METTL15: variants seen among roughly 807,000 people sequenced by gnomAD.
METTL15 encodes methyltransferase 15, mitochondrial 12S rRNA N4-cytidine.
METTL15 carries 34 observed loss-of-function variants against 38.3 expected under a neutral mutation model. The observed-to-expected ratio is 0.89, with a 90% CI of 0.68 to 1.18. The LOEUF (loss-of-function observed/expected upper bound fraction) is 1.18. Among genes scored for constraint, METTL15 ranks in the 50% most tolerant of loss-of-function variants. The pLI, the probability that METTL15 is intolerant of heterozygous loss-of-function variation, is 0.00. For synonymous variants in METTL15, 162 were observed against 170.9 expected (o/e 0.95, Z 0.41); for missense variants, 438 against 498.4 (o/e 0.88, Z 1.15).
chr11:28,233,961 T>G (rs1350234731), intron 4 of METTL15, among the ~76,000 whole-genome samples: 1 of 80,600 alleles, frequency 1.2e-5, no homozygotes. Flanking sequence ...CCCCTCCCCC[T>G]ACCCCACAAC....
At chr11:28,273,224 T>C (rs10835303) in intron 4 of METTL15, among the ~76,000 whole-genome samples, 151,792 of 152,222 alleles carry the variant, frequency 1, 75,682 homozygotes, top group Non-Finnish European at 1. Context: ...TGCAGCAGAC[T>C]GATTTTCTTA....
At chr11:28,159,623 A>G (rs1234272659) in intron 3 of METTL15, among the ~76,000 whole-genome samples, 1 of 152,154 alleles carries the variant, frequency 6.6e-6, no homozygotes, top group African/African-American at 2.4e-5. Flanking sequence ...ATGTTTGTGC[A>G]TGTATACACT....
At chr11:28,447,517 C>CT (rs562485215) in intron 6 of METTL15, among the ~76,000 whole-genome samples, 19 of 151,220 alleles carry the variant, frequency 1.3e-4, no homozygotes, top group East Asian at 9.7e-4. Context: ...CCTTGATCTC[C>CT]TTTTTTTTTC....
At chr11:28,431,167 C>T (rs1850923877) in intron 6 of METTL15, among the ~76,000 whole-genome samples, 2 of 93,122 alleles carry the variant, frequency 2.1e-5, no homozygotes, top group African/African-American at 6.4e-5. Flanking sequence ...GGGGGGTCAG[C>T]CCCCTGCCCG....
intron 4 of METTL15, among the ~76,000 whole-genome samples, chr11:28,222,405 C>G (rs1037084871): frequency 8.5e-5 from 13 of 152,208 alleles, no homozygotes; most frequent in Non-Finnish European, 1.6e-4. Flanking sequence ...GTCAGAAAAG[C>G]GCAGTATTAG....
At chr11:28,255,765 A>G (rs1385337002) in intron 4 of METTL15, among the ~76,000 whole-genome samples, 1 of 152,134 alleles carries the variant, frequency 6.6e-6, no homozygotes, top group African/African-American at 2.4e-5. Flanking sequence ...GTGTAATGGC[A>G]CGACCTTGGC....
intron 5 of METTL15, among the ~76,000 whole-genome samples, chr11:28,366,334 G>T (rs571251804): frequency 2.0e-5 from 3 of 152,234 alleles, no homozygotes; most frequent in African/African-American, 4.8e-5. Flanking sequence ...AGAATATGGT[G>T]AGGCATTATA....
intron 3 of METTL15, among the ~76,000 whole-genome samples, chr11:28,350,739 A>G (rs1271608157): frequency 2.0e-5 from 3 of 152,236 alleles, no homozygotes; most frequent in African/African-American, 4.8e-5. Context: ...CTATCAATCA[A>G]TAGGTATTCA....
chr11:28,287,197 T>TGTGTGTGTGTG (rs1555024719), intron 4 of METTL15: 3 of 208,722 alleles, frequency 1.4e-5, no homozygotes, highest in South Asian at 5.6e-5. Flanking sequence ...TGTGTGTGTG[T>TGTGTGTGTGTG]TCATGAGGCA....
At chr11:28,359,477 T>C (rs1177267449) in intron 4 of METTL15, among the ~76,000 whole-genome samples, 1 of 152,226 alleles carries the variant, frequency 6.6e-6, no homozygotes. Flanking sequence ...GTTGTAATTT[T>C]AATTTTTTGA....
chr11:28,420,923 G>GT (rs568222355), intron 5 of METTL15, among the ~76,000 whole-genome samples: 21 of 151,646 alleles, frequency 1.4e-4, no homozygotes, highest in East Asian at 7.7e-4. Flanking sequence ...ACTAAAAGTT[G>GT]TTTTTTTTAA....
At chr11:28,519,775 A>AG (rs749995074) in intron 6 of METTL15, among the ~76,000 whole-genome samples, 37 of 152,144 alleles carry the variant, frequency 2.4e-4, no homozygotes, top group Middle Eastern at 3.2e-3. Flanking sequence ...CTAAAAAAAA[A>AG]TAGCATAGAC....
At chr11:28,307,357 T>A (rs1255311216) in intron 6 of METTL15, among the ~76,000 whole-genome samples, 1 of 151,974 alleles carries the variant, frequency 6.6e-6, no homozygotes, top group East Asian at 1.9e-4. Flanking sequence ...TGATATATTA[T>A]GTCTTAAAAT....
rs752233777 is a variant in METTL15 at position 28,113,549 on chromosome 11, A to G, written c.215A>G (p.His72Arg). ...GATTTTGAAACTATGGCTAAATTAC[A>G]TATTCCAGTAATGGTGGATGAAGTT... ...DRDFETMAKL[H>R]IPVMVDEVVH... Residue 72 changes from histidine to arginine, a missense_variant, in exon 3 of 7, where the codon CAT (histidine) becomes CGT (arginine). Coordinates refer to ENST00000407364, the MANE Select transcript of METTL15 (RefSeq NM_001113528.2). 11 of 1,613,612 alleles carry G rather than the reference A, an allele frequency of 6.8e-6. No homozygotes were observed. Among genetic ancestry groups the G allele is most frequent in the African/African-American group, 2.7e-5 (2 of 74,900 alleles).
At chr11:28,252,689 C>T (rs2133925129) in intron 4 of METTL15, among the ~76,000 whole-genome samples, 1 of 152,218 alleles carries the variant, frequency 6.6e-6, no homozygotes, top group Non-Finnish European at 1.5e-5. Context: ...GGAGCATCCT[C>T]ATCAATAAAC....
At chr11:28,495,614 A>C (rs1366186926) in intron 6 of METTL15, among the ~76,000 whole-genome samples, 1 of 152,022 alleles carries the variant, frequency 6.6e-6, no homozygotes, top group Non-Finnish European at 1.5e-5. Context: ...TATTCATATA[A>C]CTCTGAGATT....
intron 5 of METTL15, among the ~76,000 whole-genome samples, chr11:28,407,017 G>A (rs1590363857): frequency 6.6e-6 from 1 of 152,160 alleles, no homozygotes; most frequent in African/African-American, 2.4e-5. Flanking sequence ...AGCCAGCCTT[G>A]CATCCTGGGG....
At chr11:28,145,581 T>G (rs1476145721) in intron 3 of METTL15, 1 of 152,062 alleles carries the variant, frequency 6.6e-6, no homozygotes, top group African/African-American at 2.4e-5. Flanking sequence ...ATAAAGGGTC[T>G]TCTTTGTTTT....
intron 5 of METTL15, among the ~76,000 whole-genome samples, chr11:28,401,282 A>T (rs1850628372): frequency 6.6e-6 from 1 of 151,992 alleles, no homozygotes; most frequent in Non-Finnish European, 1.5e-5. Flanking sequence ...TACTGTCCAC[A>T]AATACCTGCC....
Sources: allele counts gnomAD v4.1 joint callset (sites outside exome capture counted in the v4.1 genomes callset), GRCh38; gene constraint gnomAD v4.1.1; transcripts MANE v1.5; gene names NCBI Gene and HGNC (gene_info 2026-07-23, HGNC 2026-07-21).